Variants in YWHAQ observed in about 807,000 individuals in gnomAD.
YWHAQ encodes the protein tyrosine 3-monooxygenase/tryptophan 5-monooxygenase activation protein theta.
Under a neutral mutation model 28.3 loss-of-function variants are expected in YWHAQ, and 6 were observed. That is an observed-to-expected ratio of 0.21 (90% confidence interval 0.12 to 0.42). The LOEUF (loss-of-function observed/expected upper bound fraction) is 0.42. Ranked by LOEUF, YWHAQ falls within the 10% of genes least tolerant of loss-of-function variation. The pLI is 1.00. For synonymous variants in YWHAQ, 143 were observed against 119.1 expected, an observed-to-expected ratio of 1.20 and a Z score of -1.31; for missense variants, 201 against 305.6, an observed-to-expected ratio of 0.66 and a Z score of 2.55.
At chr2:9,624,659 C>A (rs559657519) in intron 2 of YWHAQ, among the ~76,000 whole-genome samples, 42 of 152,166 alleles carry the variant, frequency 2.8e-4, no homozygotes, top group African/African-American at 8.9e-4. Flanking sequence ...CCAGATGTTG[C>A]CAAAATTCCG....
intron 2 of YWHAQ, among the ~76,000 whole-genome samples, chr2:9,593,915 T>TAC (rs1247564039): frequency 6.7e-5 from 7 of 104,198 alleles, no homozygotes; most frequent in Non-Finnish European, 1.1e-4. Flanking sequence ...AATATATATA[T>TAC]ATATATATAC....
At chr2:9,611,414 G>A (rs1410460507) in intron 2 of YWHAQ, among the ~76,000 whole-genome samples, 1 of 152,106 alleles carries the variant, frequency 6.6e-6, no homozygotes, top group Non-Finnish European at 1.5e-5. Context: ...AACTTTCCTG[G>A]TTTTATGCAC....
chr2:9,593,824 CCTGT>C lies in YWHAQ; in HGVS notation c.295-2313_295-2310del, dbSNP rs762456635. ...GCCTGGGAGACAGAGCAAAAGAGAT[CCTGT>C]CTGTCTCTAAAAGAAAAAAACCAGA... On this transcript the variant is annotated intron_variant, in intron 2 of 5. Transcript: ENST00000238081. Among the ~76,000 whole-genome samples the C allele has an allele frequency of 6.0e-5, 9 of 150,982 alleles. No homozygotes were observed. In the South Asian group the frequency reaches 1.5e-3, roughly 25 times the overall value.
intron 2 of YWHAQ, among the ~76,000 whole-genome samples, chr2:9,619,694 C>T (rs1389053461): frequency 6.6e-6 from 1 of 152,184 alleles, no homozygotes; most frequent in East Asian, 1.9e-4. Context: ...GTGGTCTCTG[C>T]AATCAGGCAC....
intron 2 of YWHAQ, among the ~76,000 whole-genome samples, chr2:9,612,626 A>G (rs1400754398): frequency 6.6e-6 from 1 of 152,180 alleles, no homozygotes; most frequent in East Asian, 1.9e-4. Context: ...GAGCAACAAC[A>G]AGGTGCCTCC....
Position 9,587,463 on chromosome 2 carries a change from G to A in YWHAQ, c.629C>T (p.Ser210Leu), listed in dbSNP as rs1666367661. 1.2e-6 allele frequency: 2 copies of A among 1,611,692 alleles called. No homozygotes were observed. The highest frequency in any genetic ancestry group is 1.7e-6 in the Non-Finnish European group (2 of 1,178,586). The part of the protein sequence containing the change: ...IAELDTLNED[S>L]YKDSTLIMQL... ...CATGATGAGGGTGCTGTCTTTGTATGAGTCTTCATTCAGTGTATCAAGTTC... is the reference window on the plus strand; with the variant it reads ...CATGATGAGGGTGCTGTCTTTGTATAAGTCTTCATTCAGTGTATCAAGTTC... Residue 210 changes from serine (S) to leucine (L), a missense_variant, in exon 5 of 6, where the codon TCA (serine) becomes TTA (leucine). This residue lies in a region of YWHAQ where 39 missense variants were observed against 91.7 expected (regional missense o/e 0.43). Coordinates refer to ENST00000238081, the MANE Select transcript of YWHAQ (RefSeq NM_006826.4).
chr2:9,609,217 G>T (rs573777289), intron 2 of YWHAQ, among the ~76,000 whole-genome samples: 25 of 152,206 alleles, frequency 1.6e-4, no homozygotes, highest in African/African-American at 6.0e-4. Context: ...AAAAACAGAA[G>T]CCAGGAGAAA....
At chr2:9,586,513 C>T (rs189632400) in intron 5 of YWHAQ, among the ~76,000 whole-genome samples, 20 of 152,296 alleles carry the variant, frequency 1.3e-4, no homozygotes, top group Admixed American at 1.1e-3. Context: ...CCAAGGTATA[C>T]ATCTGGGAAG....
At position 9,630,509 on chromosome 2, in the gene YWHAQ, AC is replaced by A; in HGVS notation, c.-58del. 1 of 1,469,676 alleles carries A rather than the reference AC, an allele frequency of 6.8e-7. No homozygotes were observed. The highest frequency in any genetic ancestry group is 1.3e-5 in the South Asian group (1 of 74,586). The allele number at this position is 1,469,676 out of a possible 1,614,324, so 91.0% of individuals were successfully genotyped here. A position where few individuals can be genotyped will look rare whatever the true frequency, so the allele number is the denominator to read the frequency against. ...GCGAGGAGAGCGAGGGCGAGCGCCG[AC>A]CCGCAGCGGGAGGAGCCTCGAGAGC... On this transcript the variant is annotated 5_prime_UTR_variant, in exon 2 of 6. Coordinates refer to ENST00000238081, the MANE Select transcript of YWHAQ (RefSeq NM_006826.4). This position sits in a 1 kb window ranked among gnomAD's most constrained non-coding sequence, Gnocchi z 5.6.
At position 9,618,674 on chromosome 2, in the gene YWHAQ, A is replaced by ATT. The variant is rs34048944; in HGVS notation, c.294+11483_294+11484dup. ...TACCACATCCCCAGCCACTGTTTTG[A>ATT]TTTTTTTTTTTTTTTTTGGTAGAGA... is the stretch of plus-strand genomic sequence containing the variant. On this transcript the variant is annotated intron_variant, in intron 2 of 5. Coordinates refer to ENST00000238081, the MANE Select transcript of YWHAQ (RefSeq NM_006826.4). 2.8e-3 allele frequency among the ~76,000 whole-genome samples: 375 copies of ATT among 134,590 alleles called. 4 individuals are homozygous for ATT. The highest frequency in any genetic ancestry group is 8.9e-3 in the African/African-American group (323 of 36,330). 88.3% of individuals were successfully genotyped at this position (134,590 alleles called of 152,430 possible).
chr2:9,589,600 T>C (rs1666417664), intron 3 of YWHAQ, among the ~76,000 whole-genome samples: 3 of 152,036 alleles, frequency 2.0e-5, no homozygotes, highest in Non-Finnish European at 4.4e-5. Context: ...ATAATAATAA[T>C]AATAATTTGA....
At chr2:9,623,947 G>A (rs920562819) in intron 2 of YWHAQ, among the ~76,000 whole-genome samples, 1 of 152,076 alleles carries the variant, frequency 6.6e-6, no homozygotes, top group Admixed American at 6.5e-5. Flanking sequence ...GGGCTTTGGA[G>A]ACAACTATGA....
At chr2:9,618,576 G>A (rs1437126828) in intron 2 of YWHAQ, among the ~76,000 whole-genome samples, 4 of 152,178 alleles carry the variant, frequency 2.6e-5, no homozygotes, top group East Asian at 1.9e-4. Flanking sequence ...GCAGGAAGAC[G>A]GATCACTGCA....
At chr2:9,591,355 T>TA (rs1275512533) in intron 3 of YWHAQ, 37 bp downstream of exon 3, 1 of 1,588,342 alleles carries the variant, frequency 6.3e-7, no homozygotes, top group Non-Finnish European at 8.6e-7. Context: ...TTCTTTTTTT[T>TA]ATATTCTACT....
chr2:9,586,233 GA>G (rs1666341957), intron 5 of YWHAQ, among the ~76,000 whole-genome samples: 2 of 152,268 alleles, frequency 1.3e-5, no homozygotes, highest in Admixed American at 1.3e-4. Flanking sequence ...GAATTAGACA[GA>G]ATGTTAAAAC....
rs552348601 is a variant in YWHAQ at position 9,628,982 on chromosome 2, G to C, written c.294+1177C>G. 9.2e-5 allele frequency: 10 copies of C among 108,646 alleles called. No homozygotes were observed. The East Asian group carries it at 2.0e-3, about 22-fold the overall frequency. 6.7% of individuals were successfully genotyped at this position (108,646 alleles called of 1,614,324 possible). A position where few individuals can be genotyped will look rare whatever the true frequency, so the allele number is the denominator to read the frequency against. On this transcript the variant is annotated intron_variant, in intron 2 of 5. Transcript: ENST00000238081. ...ATAGATAGGTTAAAAAAGTTTCGTG[G>C]ATTTTTTTTTTTTAAACAAGGGGTG... is the stretch of plus-strand genomic sequence containing the variant.
intron 2 of YWHAQ, among the ~76,000 whole-genome samples, chr2:9,604,331 ACTTT>A (rs1157462153): frequency 1.3e-5 from 2 of 152,302 alleles, no homozygotes; most frequent in Non-Finnish European, 1.5e-5. Context: ...ACTGAAGGTG[ACTTT>A]CTTTATAAAA....
In YWHAQ at chr2:9,630,635, C is replaced by T; in HGVS notation, c.-82-101G>A. The T allele has an allele frequency of 3.5e-6, 2 of 566,916 alleles. No individual in the cohort carries two copies. Among genetic ancestry groups the T allele is most frequent in the Non-Finnish European group, 5.8e-6 (2 of 342,284 alleles). The allele number at this position is 566,916 out of a possible 1,614,324, so 35.1% of individuals were successfully genotyped here. ...CGCTTTTGTCTCCCGCACACGCGGC[C>T]GCTTGAATTTCCCTCTCCCCCGCCC... On this transcript the variant is annotated intron_variant, in intron 1 of 5. Transcript: ENST00000238081. This position sits in a 1 kb window ranked among gnomAD's most constrained non-coding sequence, Gnocchi z 5.6.
intron 2 of YWHAQ, among the ~76,000 whole-genome samples, chr2:9,594,504 A>T (rs936143558): frequency 3.3e-5 from 5 of 152,122 alleles, no homozygotes; most frequent in Admixed American, 6.5e-5. Context: ...GGATTCTGAG[A>T]AGTAGTATCA....
Sources: gnomAD v4.1 joint callset for allele counts (sites outside exome capture counted in the v4.1 genomes callset) on GRCh38, gnomAD v4.1.1 for gene constraint, gnomAD v4.1.1 regional missense constraint, Gnocchi (gnomAD v3.1) non-coding constraint, MANE v1.5 for transcripts, NCBI Gene and HGNC (gene_info 2026-07-23, HGNC 2026-07-21) for gene names.